MIDEAS: variants seen among roughly 807,000 people sequenced by gnomAD.
MIDEAS encodes the protein mitotic deacetylase associated SANT domain protein.
MIDEAS carries 26 observed loss-of-function variants against 102.7 expected under a neutral mutation model. That is an observed-to-expected ratio of 0.25 (90% confidence interval 0.19 to 0.35). The LOEUF is 0.35. Among genes scored for constraint, MIDEAS ranks in the 10% least tolerant of loss-of-function variants. The pLI, the probability that MIDEAS is intolerant of heterozygous loss-of-function variation, is 1.00. For missense variants in MIDEAS, 1,231 were observed against 1,435.6 expected, an observed-to-expected ratio of 0.86 and a Z score of 2.30; for synonymous variants, 585 against 591.0, an observed-to-expected ratio of 0.99 and a Z score of 0.15.
At chr14:73,726,452 C>T in intron 7 of MIDEAS, 152 bp downstream of exon 7, 3 of 731,216 alleles carry the variant, frequency 4.1e-6, no homozygotes, top group African/African-American at 3.5e-5. Context: ...ACTAGGGCTC[C>T]CTTGGGTCAA....
chr14:73,786,265 C>G (rs2053807786), intron 1 of MIDEAS, among the ~76,000 whole-genome samples: 1 of 152,236 alleles, frequency 6.6e-6, no homozygotes, highest in African/African-American at 2.4e-5. Context: ...TTAAAAAACC[C>G]TGCGCCACGA....
intron 1 of MIDEAS, among the ~76,000 whole-genome samples, chr14:73,773,345 G>A (rs1057184720): frequency 2.0e-5 from 3 of 151,810 alleles, no homozygotes; most frequent in Non-Finnish European, 2.9e-5. Flanking sequence ...GATTTTCCAG[G>A]GAGAGATGAC....
chr14:73,729,434 A>G (rs2053107054), intron 4 of MIDEAS, among the ~76,000 whole-genome samples: 1 of 152,230 alleles, frequency 6.6e-6, no homozygotes, highest in Non-Finnish European at 1.5e-5. Flanking sequence ...GGTAGAATTG[A>G]GATTTGAATC....
Position 73,716,298 on chromosome 14 carries a change from G to A in MIDEAS, c.*2545C>T, listed in dbSNP as rs2052887724. 6.6e-6 allele frequency: 1 copy of A among 152,022 alleles called. No homozygotes were observed. The highest frequency in any genetic ancestry group is 6.5e-5 in the Admixed American group (1 of 15,270). 9.4% of individuals were successfully genotyped at this position (152,022 alleles called of 1,614,324 possible). On this transcript the variant is annotated 3_prime_UTR_variant, in exon 13 of 13. Coordinates refer to ENST00000423556, the MANE Select transcript of MIDEAS (RefSeq NM_001367710.1). The stretch of plus-strand genomic sequence containing the variant: ...ATACAGTGTCTGGCGGGATAATGCA[G>A]AGAGGTACCATCTTGATTTTCCCCA...
At chr14:73,730,707 C>T (rs1485264710) in intron 3 of MIDEAS, among the ~76,000 whole-genome samples, 1 of 148,418 alleles carries the variant, frequency 6.7e-6, no homozygotes, top group Non-Finnish European at 1.5e-5. Flanking sequence ...AATCTCAGCA[C>T]TTTGGGAGGT....
intron 10 of MIDEAS, 88 bp from the exon 11 acceptor site, chr14:73,721,597 G>T (rs2052995147): frequency 2.1e-5 from 25 of 1,211,838 alleles, no homozygotes; most frequent in Non-Finnish European, 3.0e-5. Context: ...GGGTTCACCA[G>T]CCCCAGCTAG....
chr14:73,727,717 T>C, intron 4 of MIDEAS, 193 bp from the exon 5 acceptor site: 1 of 564,606 alleles, frequency 1.8e-6, no homozygotes, highest in Non-Finnish European at 3.1e-6. Flanking sequence ...AATATTTGGG[T>C]GCCTCAGTTT....
At chr14:73,746,455 G>T (rs150565399) in intron 1 of MIDEAS, among the ~76,000 whole-genome samples, 43 of 152,338 alleles carry the variant, frequency 2.8e-4, no homozygotes, top group Non-Finnish European at 5.0e-4. Context: ...GAGTAGGGTA[G>T]AAGCAGGCAG....
intron 1 of MIDEAS, among the ~76,000 whole-genome samples, chr14:73,756,142 A>G (rs1243952994): frequency 6.6e-6 from 1 of 152,096 alleles, no homozygotes; most frequent in Non-Finnish European, 1.5e-5. Context: ...CACACCATCC[A>G]GGAACGGCGT....
At chr14:73,724,615 A>G (rs767713144) in intron 9 of MIDEAS, 3 of 154,584 alleles carry the variant, frequency 1.9e-5, no homozygotes, top group Non-Finnish European at 4.3e-5. Flanking sequence ...GCTGTTCCCA[A>G]TACAATCTAC....
At chr14:73,779,566 TA>T (rs1200424211) in intron 1 of MIDEAS, among the ~76,000 whole-genome samples, 6 of 56,508 alleles carry the variant, frequency 1.1e-4, no homozygotes, top group Non-Finnish European at 1.5e-4. Flanking sequence ...TTATTATTAT[TA>T]TTATTATTTT....
At chr14:73,783,879 T>A (rs1595304849) in intron 1 of MIDEAS, among the ~76,000 whole-genome samples, 1 of 152,282 alleles carries the variant, frequency 6.6e-6, no homozygotes, top group East Asian at 1.9e-4. Context: ...GCTGGGGGTG[T>A]TCGGCCTCCT....
Position 73,738,932 on chromosome 14 carries a change from G to A in MIDEAS, c.1077C>T (p.Ala359=). 6.6e-7 allele frequency: 1 copy of A among 1,526,050 alleles called. No homozygotes were observed. The highest frequency in any genetic ancestry group is 8.8e-7 in the Non-Finnish European group (1 of 1,138,894). 94.5% of individuals were successfully genotyped at this position (1,526,050 alleles called of 1,614,324 possible). ...LSKEGILPPS[A]LDGAGTQPGQ... is the part of the protein sequence containing the mutation. ...CAGGCTGGGTGCCAGCCCCATCCAG[G>A]GCGCTGGGAGGCAGGATACCCTCCT... The change falls in exon 2 of 13, where the codon GCC becomes GCT. Residue 359 remains alanine, a synonymous_variant. Transcript: ENST00000423556.
chr14:73,730,182 G>C, intron 3 of MIDEAS, 197 bp from the exon 4 acceptor site: 1 of 718,704 alleles, frequency 1.4e-6, no homozygotes, highest in East Asian at 2.7e-5. Context: ...AACTTTTTCT[G>C]TAAGGGGCCA....
intron 1 of MIDEAS, among the ~76,000 whole-genome samples, chr14:73,748,178 C>T (rs1055541050): frequency 2.0e-5 from 3 of 152,142 alleles, no homozygotes; most frequent in South Asian, 2.1e-4. Context: ...GAAATCAAAT[C>T]ACAAAATGGC....
Position 73,742,749 on chromosome 14 carries a change from C to T in MIDEAS, c.-247-2494G>A, listed in dbSNP as rs1181739344. Among the ~76,000 whole-genome samples the T allele has an allele frequency of 1.3e-5, 2 of 152,172 alleles. No homozygotes were observed. Among genetic ancestry groups the T allele is most frequent in the South Asian group, 2.1e-4 (1 of 4,834 alleles). ...ACCGAAGAGCTAAGGGTGCCAGGGG[C>T]ACAGACAGTCAGGCCTGGGACCCTC... is the stretch of plus-strand genomic sequence containing the variant. On this transcript the variant is annotated intron_variant, in intron 1 of 12. Transcript: ENST00000423556. The surrounding 1 kb of genome is among the most constrained non-coding windows in gnomAD (Gnocchi z 4.4).
At chr14:73,719,222 T>TGCCCCGGC in intron 12 of MIDEAS, 83 bp downstream of exon 12, 1 of 1,497,118 alleles carries the variant, frequency 6.7e-7, no homozygotes, top group Non-Finnish European at 8.9e-7. Context: ...CTGTACCTCT[T>TGCCCCGGC]CCCCCTCCCC....
chr14:73,776,235 T>G (rs2053687264), intron 1 of MIDEAS, among the ~76,000 whole-genome samples: 1 of 152,016 alleles, frequency 6.6e-6, no homozygotes, highest in South Asian at 2.1e-4. Flanking sequence ...AGGATCCAGA[T>G]GCCGGGATGA....
Position 73,742,006 on chromosome 14 carries a change from C to A in MIDEAS, c.-247-1751G>T, listed in dbSNP as rs2053287291. On this transcript the variant is annotated intron_variant, in intron 1 of 12. Transcript: ENST00000423556. This position sits in a 1 kb window ranked among gnomAD's most constrained non-coding sequence, Gnocchi z 4.4. ...AACCTTTCTCTTGCTTTTAAACCCGCATTCCCTGACAGCCAACCTAATTCA... is the reference window on the plus strand; with the variant it reads ...AACCTTTCTCTTGCTTTTAAACCCGAATTCCCTGACAGCCAACCTAATTCA... 1.3e-5 allele frequency among the ~76,000 whole-genome samples: 2 copies of A among 152,234 alleles called. 1 individual carries two copies. Among genetic ancestry groups the A allele is most frequent in the South Asian group, 4.1e-4 (2 of 4,836 alleles).
Sources: allele counts gnomAD v4.1 joint callset (sites outside exome capture counted in the v4.1 genomes callset), GRCh38; gene constraint gnomAD v4.1.1; non-coding constraint Gnocchi (gnomAD v3.1); transcripts MANE v1.5; gene names NCBI Gene and HGNC (gene_info 2026-07-23, HGNC 2026-07-21).